The following ADAMTS17 variants were observed in gnomAD, a reference collection of about 807,000 sequenced individuals.
ADAMTS17 encodes ADAM metallopeptidase with thrombospondin type 1 motif 17, also known as A disintegrin and metalloproteinase with thrombospondin motifs 17.
A neutral mutation model predicts 141.5 loss-of-function variants in ADAMTS17; 113 were observed. The ratio of observed to expected loss-of-function variants is 0.80; its 90% confidence interval spans 0.69 to 0.93. The LOEUF (loss-of-function observed/expected upper bound fraction) is 0.93, where lower values mean the gene tolerates loss of function less well. Among genes scored for constraint, ADAMTS17 ranks in the 40% least tolerant of loss-of-function variants. ADAMTS17 has a pLI of 0.00. For missense variants in ADAMTS17, 1,659 were observed against 1,517.9 expected, an observed-to-expected ratio of 1.09 and a Z score of -1.54; for synonymous variants, 768 against 630.6, an observed-to-expected ratio of 1.22 and a Z score of -3.27.
intron 7 of ADAMTS17, among the ~76,000 whole-genome samples, chr15:100,251,316 A>C (rs1419173242): frequency 6.6e-6 from 1 of 152,216 alleles, no homozygotes; most frequent in South Asian, 2.1e-4. Context: ...CCCTAGTAAC[A>C]TGTGACAAAG....
chr15:100,145,660 T>C (rs1056255827), intron 10 of ADAMTS17, among the ~76,000 whole-genome samples: 4 of 152,194 alleles, frequency 2.6e-5, no homozygotes, highest in African/African-American at 4.8e-5. Flanking sequence ...ATGAGAATTG[T>C]ATATGTTTAT....
At chr15:100,239,014 CAGG>C (rs1259067162) in intron 7 of ADAMTS17, among the ~76,000 whole-genome samples, 1 of 152,202 alleles carries the variant, frequency 6.6e-6, no homozygotes, top group African/African-American at 2.4e-5. Context: ...TCACTTGAAC[CAGG>C]AGATGGAGCT....
Position 99,973,290 on chromosome 15 carries a change from C to G in ADAMTS17, c.*1112G>C, listed in dbSNP as rs1450121294. The G allele has an allele frequency of 1.3e-5, 2 of 152,260 alleles. No homozygotes were observed. The highest frequency in any genetic ancestry group is 1.9e-4 in the East Asian group (1 of 5,202). The allele number at this position is 152,260 out of a possible 1,614,324, so 9.4% of individuals were successfully genotyped here. On this transcript the variant is annotated 3_prime_UTR_variant, in exon 22 of 22. Transcript: ENST00000268070. ...AAGGCTCGGCGGGTGTGCAGCAGTG[C>G]CAGCCAGATGGCGTTCCTCCCCTGG...
chr15:100,109,729 G>C (rs1209649991), intron 13 of ADAMTS17, among the ~76,000 whole-genome samples: 4 of 152,102 alleles, frequency 2.6e-5, no homozygotes, highest in Non-Finnish European at 5.9e-5. Flanking sequence ...TGGAAACCTG[G>C]GTTTCCCCTA....
chr15:100,331,798 G>A (rs1432656495), intron 2 of ADAMTS17, among the ~76,000 whole-genome samples: 1 of 152,140 alleles, frequency 6.6e-6, no homozygotes, highest in African/African-American at 2.4e-5. Flanking sequence ...TACACCCCTG[G>A]TTCTCAAAGC....
Position 100,341,042 on chromosome 15 carries a change from G to T in ADAMTS17, c.447C>A (p.Gly149=), listed in dbSNP as rs985576097. ...CCGGAGGTGGCGCGGGCAGTACCAG[G>T]CCGCCGGCGGCGCCGCAGGCGCTGA... The part of the protein sequence containing the change: ...VSLSACGAAG[G]LVGLIQLGQE... Residue 149 remains glycine (G), a synonymous_variant, in exon 2 of 22, where the codon GGC becomes GGA. Transcript: ENST00000268070. 11 of 1,522,890 alleles carry T rather than the reference G, an allele frequency of 7.2e-6. No homozygotes were observed. Among genetic ancestry groups the T allele is most frequent in the African/African-American group, 6.9e-5 (5 of 72,222 alleles). 94.3% of individuals were successfully genotyped at this position (1,522,890 alleles called of 1,614,324 possible). A position where few individuals can be genotyped will look rare whatever the true frequency, so the allele number is the denominator to read the frequency against.
rs1347891068 is a variant in ADAMTS17 at position 99,976,130 on chromosome 15, G to T, written c.3042C>A (p.Leu1014=). The T allele has an allele frequency of 6.4e-7, 1 of 1,551,260 alleles. No individual in the cohort carries two copies. Among genetic ancestry groups the T allele is most frequent in the East Asian group, 2.4e-5 (1 of 40,924 alleles). ...TGRHGSECPA[L]SKPAPYRQCY... ...ACTGTCTGTAGGGGGCAGGCTTCGAGAGGGCGGGGCACTCGCTGCCGTGGC... is the reference window on the plus strand; with the variant it reads ...ACTGTCTGTAGGGGGCAGGCTTCGATAGGGCGGGGCACTCGCTGCCGTGGC... Residue 1014 remains leucine, a synonymous_variant, in exon 21 of 22, where the codon CTC becomes CTA. Transcript: ENST00000268070.
At chr15:100,193,232 C>T (rs555872932) in intron 8 of ADAMTS17, among the ~76,000 whole-genome samples, 1 of 152,352 alleles carries the variant, frequency 6.6e-6, no homozygotes, top group East Asian at 1.9e-4. Flanking sequence ...GGTCACTTTA[C>T]GCTTTGCGCC....
Position 100,049,013 on chromosome 15 carries a change from A to T in ADAMTS17, c.2456-21T>A, listed in dbSNP as rs1178956242. ...CTCCCCTGGAAACCAAACCACAGGG[A>T]GCTGAGAGACTGTGGCTGCACCCAC... is the stretch of plus-strand genomic sequence containing the variant. On this transcript the variant is annotated intron_variant, in intron 17 of 21. Coordinates refer to ENST00000268070, the MANE Select transcript of ADAMTS17 (RefSeq NM_139057.4). 9 of 1,614,056 alleles carry T rather than the reference A, an allele frequency of 5.6e-6. No homozygotes were observed. The South Asian group carries it at 9.9e-5, about 18-fold the overall frequency.
chr15:100,337,556 G>A (rs1446548193), intron 2 of ADAMTS17, among the ~76,000 whole-genome samples: 1 of 152,222 alleles, frequency 6.6e-6, no homozygotes, highest in Non-Finnish European at 1.5e-5. Context: ...TTGCAGCCCA[G>A]AGCTCCTTGG....
intron 4 of ADAMTS17, among the ~76,000 whole-genome samples, chr15:100,269,341 C>T (rs545340449): frequency 7.2e-5 from 11 of 152,242 alleles, no homozygotes; most frequent in African/African-American, 2.4e-4. Flanking sequence ...TCTTTATGTA[C>T]CCAGGAGTAG....
At chr15:100,265,620 G>A (rs964344453) in intron 4 of ADAMTS17, among the ~76,000 whole-genome samples, 3 of 152,208 alleles carry the variant, frequency 2.0e-5, no homozygotes, top group Admixed American at 6.5e-5. Context: ...CGTGGTTGGA[G>A]GCACAAGGAG....
chr15:99,983,480 G>C (rs1367585351), intron 20 of ADAMTS17, among the ~76,000 whole-genome samples: 1 of 152,040 alleles, frequency 6.6e-6, no homozygotes, highest in Admixed American at 6.6e-5. Context: ...CCCCACAGCG[G>C]GATTCCCTTC....
chr15:100,278,265 T>C (rs1035051870), intron 4 of ADAMTS17, among the ~76,000 whole-genome samples: 4 of 151,462 alleles, frequency 2.6e-5, no homozygotes, highest in African/African-American at 9.7e-5. Flanking sequence ...TTTAGGCCAC[T>C]GAGCTGGTCC....
intron 10 of ADAMTS17, among the ~76,000 whole-genome samples, chr15:100,141,392 G>C (rs1045951246): frequency 3.3e-5 from 5 of 152,282 alleles, no homozygotes; most frequent in Admixed American, 3.3e-4. Flanking sequence ...AGGGTTTGGA[G>C]GGCGGCTCTA....
intron 15 of ADAMTS17, among the ~76,000 whole-genome samples, chr15:100,082,109 A>C (rs1003818957): frequency 1.3e-4 from 20 of 152,188 alleles, no homozygotes; most frequent in African/African-American, 4.6e-4. Context: ...TCTGTTGCCC[A>C]GGCTGGAGTG....
intron 14 of ADAMTS17, among the ~76,000 whole-genome samples, chr15:100,105,152 G>C (rs546352433): frequency 3.3e-5 from 5 of 152,188 alleles, no homozygotes; most frequent in Admixed American, 2.0e-4. Context: ...CCAGGATGGT[G>C]GCTCTTTTGT....
At chr15:100,034,982 C>T (rs888312792) in intron 18 of ADAMTS17, among the ~76,000 whole-genome samples, 7 of 152,188 alleles carry the variant, frequency 4.6e-5, no homozygotes, top group Non-Finnish European at 5.9e-5. Flanking sequence ...GGCCACCTTC[C>T]TTGGAAAAGG....
intron 10 of ADAMTS17, among the ~76,000 whole-genome samples, chr15:100,139,539 G>A (rs575423544): frequency 6.6e-6 from 1 of 152,322 alleles, no homozygotes; most frequent in South Asian, 2.1e-4. Flanking sequence ...CACCAATAGC[G>A]CTGAGGTTGG....
Sources: allele counts gnomAD v4.1 joint callset (sites outside exome capture counted in the v4.1 genomes callset), GRCh38; gene constraint gnomAD v4.1.1; transcripts MANE v1.5; gene names NCBI Gene and HGNC (gene_info 2026-07-23, HGNC 2026-07-21).